The following TBC1D22A variants were observed in gnomAD, a reference collection of about 807,000 sequenced individuals.
TBC1D22A encodes the protein putative GTPase activator.
In TBC1D22A, 38 loss-of-function variants were observed where a neutral mutation model predicts 60.2. The ratio of observed to expected loss-of-function variants is 0.63; its 90% confidence interval spans 0.49 to 0.83. The LOEUF is 0.83. Among genes scored for constraint, TBC1D22A ranks in the 40% least tolerant of loss-of-function variants. The pLI is 0.00. For synonymous variants in TBC1D22A, 302 were observed against 281.7 expected (o/e 1.07, Z -0.72); for missense variants, 628 against 701.0 (o/e 0.90, Z 1.18).
At chr22:46,846,953 G>C (rs1392358114) in intron 4 of TBC1D22A, among the ~76,000 whole-genome samples, 1 of 152,244 alleles carries the variant, frequency 6.6e-6, no homozygotes, top group Non-Finnish European at 1.5e-5. Flanking sequence ...ACCCGGTGCT[G>C]GTGCCGTCGA....
At chr22:46,935,410 A>C (rs1395466442) in intron 8 of TBC1D22A, among the ~76,000 whole-genome samples, 4 of 152,220 alleles carry the variant, frequency 2.6e-5, no homozygotes, top group African/African-American at 9.6e-5. Context: ...TGGGTTACTG[A>C]GTTCGCACAG....
intron 11 of TBC1D22A, among the ~76,000 whole-genome samples, chr22:47,079,017 G>A (rs527532098): frequency 1.3e-5 from 2 of 152,066 alleles, no homozygotes; most frequent in African/African-American, 4.8e-5. Flanking sequence ...ATACGAACAA[G>A]AGAGCGCTAC....
intron 5 of TBC1D22A, among the ~76,000 whole-genome samples, chr22:46,887,964 A>T (rs541034474): frequency 1.3e-5 from 2 of 152,316 alleles, no homozygotes; most frequent in South Asian, 4.1e-4. Flanking sequence ...AGCTGAAAAG[A>T]TGGGGCTAGA....
chr22:46,806,095 C>A, intron 4 of TBC1D22A, among the ~76,000 whole-genome samples: 1 of 152,176 alleles, frequency 6.6e-6, no homozygotes, highest in South Asian at 2.1e-4. Flanking sequence ...TCGTGATCCA[C>A]CCGCTTTGGC....
chr22:47,110,452 C>G (rs996794967), intron 11 of TBC1D22A, among the ~76,000 whole-genome samples: 4 of 152,164 alleles, frequency 2.6e-5, no homozygotes, highest in Non-Finnish European at 4.4e-5. Flanking sequence ...ACCCTCCAGC[C>G]TGGGCAACAG....
chr22:46,852,951 C>T (rs962002875), intron 4 of TBC1D22A, among the ~76,000 whole-genome samples: 28 of 152,168 alleles, frequency 1.8e-4, no homozygotes, highest in African/African-American at 6.3e-4. Flanking sequence ...GGTCCCCTGG[C>T]GCTCTTGTGG....
chr22:46,974,418 G>T lies in TBC1D22A; in HGVS notation c.1125+19G>T. On this transcript the variant is annotated intron_variant, in intron 9 of 12. Coordinates refer to ENST00000337137, the MANE Select transcript of TBC1D22A (RefSeq NM_014346.5). ...CATTCAGGTGAGCGCCCGCGCCCAC[G>T]GGACACAGCCCACGCCCACAGCCCC... is the stretch of plus-strand genomic sequence containing the variant. 1.3e-6 allele frequency: 2 copies of T among 1,589,452 alleles called. No individual in the cohort carries two copies. The highest frequency in any genetic ancestry group is 2.3e-5 in the East Asian group (1 of 44,060).
At chr22:46,950,035 C>T (rs920059335) in intron 8 of TBC1D22A, among the ~76,000 whole-genome samples, 2 of 152,072 alleles carry the variant, frequency 1.3e-5, no homozygotes, top group Admixed American at 6.5e-5. Flanking sequence ...TGAAAAGGGT[C>T]GCCTTGGGAA....
chr22:47,080,552 T>G (rs1365122824), intron 11 of TBC1D22A, among the ~76,000 whole-genome samples: 1 of 152,036 alleles, frequency 6.6e-6, no homozygotes, highest in Non-Finnish European at 1.5e-5. Context: ...GAATGGATTA[T>G]AAAAATGTAA....
At chr22:47,055,929 G>A (rs60943200) in intron 11 of TBC1D22A, among the ~76,000 whole-genome samples, 19,994 of 151,956 alleles carry the variant, frequency 0.13, 1,605 homozygotes, top group East Asian at 0.35. Flanking sequence ...GGTGAGATAC[G>A]CCATTGAGGG....
chr22:46,878,870 A>G, intron 5 of TBC1D22A, 147 bp downstream of exon 5: 1 of 604,218 alleles, frequency 1.7e-6, no homozygotes, highest in Non-Finnish European at 2.9e-6. Flanking sequence ...GGCTAAGCTG[A>G]CATTTTCCAT....
At chr22:46,865,201 C>T (rs561099992) in intron 4 of TBC1D22A, among the ~76,000 whole-genome samples, 75 of 152,298 alleles carry the variant, frequency 4.9e-4, no homozygotes, top group African/African-American at 1.8e-3. Context: ...AGTCTTATTT[C>T]TTGCAGGCAC....
At chr22:46,957,533 T>TGCCCCCCGATTCAATC (rs2073266396) in intron 8 of TBC1D22A, among the ~76,000 whole-genome samples, 1 of 152,164 alleles carries the variant, frequency 6.6e-6, no homozygotes, top group Admixed American at 6.5e-5. Context: ...TGGGGGAGAC[T>TGCCCCCCGATTCAATC]GCCCCCCGAT....
At chr22:46,983,109 G>A (rs953222059) in intron 9 of TBC1D22A, among the ~76,000 whole-genome samples, 4 of 152,240 alleles carry the variant, frequency 2.6e-5, no homozygotes, top group African/African-American at 9.6e-5. Context: ...TTCATCTTGA[G>A]AGTGAATGAG....
chr22:46,949,412 A>AC (rs980460311), intron 8 of TBC1D22A, among the ~76,000 whole-genome samples: 1 of 151,988 alleles, frequency 6.6e-6, no homozygotes, highest in African/African-American at 2.4e-5. Context: ...GCTGAGCCTG[A>AC]CCCCGTCCCC....
At chr22:46,781,682 G>T (rs1046560509) in intron 1 of TBC1D22A, among the ~76,000 whole-genome samples, 2 of 152,150 alleles carry the variant, frequency 1.3e-5, no homozygotes, top group African/African-American at 4.8e-5. Flanking sequence ...AGCCTCTTGG[G>T]GCATCTCTCT....
chr22:46,933,204 G>A (rs1276897889), intron 8 of TBC1D22A, among the ~76,000 whole-genome samples: 1 of 152,204 alleles, frequency 6.6e-6, no homozygotes, highest in Non-Finnish European at 1.5e-5. Flanking sequence ...TCTAGCAGGT[G>A]GCATTCTTCT....
intron 4 of TBC1D22A, among the ~76,000 whole-genome samples, chr22:46,865,758 G>C (rs896289808): frequency 1.1e-4 from 16 of 152,230 alleles, no homozygotes; most frequent in Admixed American, 7.8e-4. Flanking sequence ...GGAGGCCTGT[G>C]TGCATTACTT....
At chr22:47,108,303 T>G (rs2065712960) in intron 11 of TBC1D22A, among the ~76,000 whole-genome samples, 1 of 152,130 alleles carries the variant, frequency 6.6e-6, no homozygotes, top group African/African-American at 2.4e-5. Context: ...AACAATTCAG[T>G]CCATCAACAG....
Sources: allele counts gnomAD v4.1 joint callset (sites outside exome capture counted in the v4.1 genomes callset), GRCh38; gene constraint gnomAD v4.1.1; transcripts MANE v1.5; gene names NCBI Gene and HGNC (gene_info 2026-07-23, HGNC 2026-07-21).